PPP3CA: variants seen among roughly 807,000 people sequenced by gnomAD.
PPP3CA encodes the protein protein phosphatase 3 catalytic subunit alpha, also known as CAM-PRP catalytic subunit.
A neutral mutation model predicts 66.5 loss-of-function variants in PPP3CA; 14 were observed. The ratio of observed to expected loss-of-function variants is 0.21; its 90% CI spans 0.14 to 0.33. The LOEUF (loss-of-function observed/expected upper bound fraction) is 0.33. Among genes scored for constraint, PPP3CA ranks in the 10% least tolerant of loss-of-function variants. The pLI is 1.00. For synonymous variants in PPP3CA, 232 were observed against 226.2 expected (o/e 1.03, Z -0.23); for missense variants, 317 against 639.5 (o/e 0.50, Z 5.44).
chr4:101,075,026 T>C (rs1029269576), intron 8 of PPP3CA, among the ~76,000 whole-genome samples: 8 of 152,152 alleles, frequency 5.3e-5, no homozygotes, highest in African/African-American at 1.4e-4. Flanking sequence ...GCAAGAGAGC[T>C]TGCGCAGGGG....
At position 101,333,270 on chromosome 4, in the gene PPP3CA, GTTTTT is replaced by G. The variant is rs70961788; in HGVS notation, c.58+13464_58+13468del. On this transcript the variant is annotated intron_variant, in intron 1 of 13. Coordinates refer to ENST00000394854, the MANE Select transcript of PPP3CA (RefSeq NM_000944.5). Reference sequence around the variant, plus strand: ...CTACAGGCATGCACTACCATGCCCAGTTTTTTTTTTTTTTTTTTTTTTTTTTTTTT... The same window carrying G: ...CTACAGGCATGCACTACCATGCCCAGTTTTTTTTTTTTTTTTTTTTTTTTT... Among the ~76,000 whole-genome samples the G allele has an allele frequency of 5.9e-4, 28 of 47,252 alleles. 2 individuals carry two copies. The highest frequency in any genetic ancestry group is 9.6e-4 in the African/African-American group (15 of 15,652). 31.0% of individuals were successfully genotyped at this position (47,252 alleles called of 152,430 possible). A position where few individuals can be genotyped will look rare whatever the true frequency, so the allele number is the denominator to read the frequency against.
intron 2 of PPP3CA, among the ~76,000 whole-genome samples, chr4:101,165,957 C>A (rs1226955615): frequency 6.6e-6 from 1 of 152,120 alleles, no homozygotes; most frequent in Non-Finnish European, 1.5e-5. Flanking sequence ...AGATGGTAGA[C>A]TTGCTAAATC....
rs558923678 is a variant in PPP3CA, at chr4:101,244,592, G to A, written c.59-48476C>T. Among the ~76,000 whole-genome samples the A allele has an allele frequency of 1.1e-4, 16 of 152,210 alleles. 1 individual carries two copies. The East Asian group carries it at 1.4e-3, about 13-fold the overall frequency. On this transcript the variant is annotated intron_variant, in intron 1 of 13. Transcript: ENST00000394854. Reference sequence around the variant, plus strand: ...AAGAGTACGCTATACGCCCTCCCCCGTGGTAGACAAGAGACGCCTACAGCT... The same window carrying A: ...AAGAGTACGCTATACGCCCTCCCCCATGGTAGACAAGAGACGCCTACAGCT...
intron 2 of PPP3CA, among the ~76,000 whole-genome samples, chr4:101,168,148 T>G (rs1323961550): frequency 6.6e-6 from 1 of 152,116 alleles, no homozygotes; most frequent in Non-Finnish European, 1.5e-5. Context: ...AGACAGGGAA[T>G]GGAGAAGTGA....
At chr4:101,099,500 C>T (rs1203408345) in intron 4 of PPP3CA, 111 bp downstream of exon 4, 1 of 518,156 alleles carries the variant, frequency 1.9e-6, no homozygotes, top group Non-Finnish European at 3.3e-6. Flanking sequence ...AAGAGTGTCA[C>T]TTTAAGTCTT....
At chr4:101,030,830 G>A (rs1726915782) in intron 12 of PPP3CA, among the ~76,000 whole-genome samples, 1 of 152,070 alleles carries the variant, frequency 6.6e-6, no homozygotes, top group South Asian at 2.1e-4. Context: ...CACTTGCTGT[G>A]CCTTAAAATG....
At chr4:101,341,221 T>C (rs1729805789) in intron 1 of PPP3CA, among the ~76,000 whole-genome samples, 1 of 150,454 alleles carries the variant, frequency 6.6e-6, no homozygotes, top group African/African-American at 2.5e-5. Flanking sequence ...TTTTTTTTTT[T>C]TAAGAGATAT....
chr4:101,315,625 A>G (rs1728860675), intron 1 of PPP3CA, among the ~76,000 whole-genome samples: 1 of 152,252 alleles, frequency 6.6e-6, no homozygotes. Flanking sequence ...CTAGAATTTA[A>G]TTCAGCTGTA....
intron 12 of PPP3CA, among the ~76,000 whole-genome samples, 153 bp from the exon 13 acceptor site, chr4:101,029,348 A>AAAAAAAAAAAAAAAAAAAAAAC (rs1726822614): frequency 2.8e-5 from 1 of 35,688 alleles, no homozygotes; most frequent in Non-Finnish European, 8.6e-5. Flanking sequence ...CAGAAATGCT[A>AAAAAAAAAAAAAAAAAAAAAAC]AAAAAAAAAA....
At chr4:101,334,238 G>T (rs1214140576) in intron 1 of PPP3CA, among the ~76,000 whole-genome samples, 1 of 151,854 alleles carries the variant, frequency 6.6e-6, no homozygotes, top group African/African-American at 2.4e-5. Context: ...AGGTTCAAGC[G>T]ATTCTCTTGC....
rs1175441354 is a variant in PPP3CA at position 101,025,134 on chromosome 4, T to A, written c.*731A>T. 2 of 152,520 alleles carry A rather than the reference T, an allele frequency of 1.3e-5. No individual in the cohort carries two copies. The highest frequency in any genetic ancestry group is 2.9e-5 in the Non-Finnish European group (2 of 68,018). The allele number at this position is 152,520 out of a possible 1,614,324, so 9.4% of individuals were successfully genotyped here. A position where few individuals can be genotyped will look rare whatever the true frequency, so the allele number is the denominator to read the frequency against. ...ATAGATATAATTATTCCAGTTTTTT[T>A]AAAACTTAAAAGATATTCCATTGCC... On this transcript the variant is annotated 3_prime_UTR_variant, in exon 14 of 14. Transcript: ENST00000394854.
At chr4:101,243,752 T>A (rs1404614500) in intron 1 of PPP3CA, among the ~76,000 whole-genome samples, 1 of 152,146 alleles carries the variant, frequency 6.6e-6, no homozygotes, top group East Asian at 1.9e-4. Flanking sequence ...TGTATATGGT[T>A]AAGAATTCTT....
At chr4:101,156,023 C>A (rs991967675) in intron 2 of PPP3CA, among the ~76,000 whole-genome samples, 3 of 152,176 alleles carry the variant, frequency 2.0e-5, no homozygotes, top group Admixed American at 6.5e-5. Context: ...GAAACTATGC[C>A]TATGGTCAAG....
chr4:101,190,012 G>C (rs2659508), intron 2 of PPP3CA, among the ~76,000 whole-genome samples: 31,209 of 151,844 alleles, frequency 0.21, 4,473 homozygotes, highest in African/African-American at 0.38. Context: ...GATGGAATAT[G>C]GATAAGATTG....
At chr4:101,140,559 C>T (rs1026345770) in intron 2 of PPP3CA, among the ~76,000 whole-genome samples, 1 of 152,136 alleles carries the variant, frequency 6.6e-6, no homozygotes, top group African/African-American at 2.4e-5. Flanking sequence ...GGGTAAGATG[C>T]ATTACCTATG....
chr4:101,163,281 T>A (rs1384653579), intron 2 of PPP3CA, among the ~76,000 whole-genome samples: 2 of 152,154 alleles, frequency 1.3e-5, no homozygotes, highest in East Asian at 3.8e-4. Context: ...TTTCTAAAAA[T>A]TTTGAAGATA....
intron 2 of PPP3CA, among the ~76,000 whole-genome samples, chr4:101,189,890 C>A (rs1486304041): frequency 6.6e-6 from 1 of 151,838 alleles, no homozygotes; most frequent in Non-Finnish European, 1.5e-5. Flanking sequence ...TGGATCGGAA[C>A]CAGTCAGTGA....
chr4:101,251,987 G>A (rs112075058), intron 1 of PPP3CA, among the ~76,000 whole-genome samples: 1,976 of 152,228 alleles, frequency 0.013, 27 homozygotes, highest in Middle Eastern at 0.031. Flanking sequence ...TGCAAGAGAG[G>A]ATTTGTTTCA....
chr4:101,199,566 A>G (rs2110194273), intron 1 of PPP3CA, among the ~76,000 whole-genome samples: 1 of 152,288 alleles, frequency 6.6e-6, no homozygotes, highest in South Asian at 2.1e-4. Context: ...CTACTTCACA[A>G]TTCCCACTCA....
Sources: gnomAD v4.1 joint callset for allele counts (sites outside exome capture counted in the v4.1 genomes callset) on GRCh38, gnomAD v4.1.1 for gene constraint, MANE v1.5 for transcripts, NCBI Gene and HGNC (gene_info 2026-07-23, HGNC 2026-07-21) for gene names.